Variants in C3orf85 observed in about 807,000 individuals in gnomAD.
C3orf85 encodes the protein chromosome 3 open reading frame 85, also known as uncharacterized protein C3orf85.
Under a neutral mutation model 1.7 loss-of-function variants are expected in C3orf85, and 1 was observed. The ratio of observed to expected loss-of-function variants is 0.60; its 90% CI spans 0.21 to 2.86. The LOEUF is 2.86. C3orf85 is among the 30% of genes most tolerant of loss of function. The pLI, the probability that C3orf85 is intolerant of heterozygous loss-of-function variation, is 0.22. For synonymous variants in C3orf85, 17 were observed against 8.0 expected (o/e 2.13, Z -1.90); for missense variants, 29 against 21.3 (o/e 1.36, Z -0.72).
At chr3:109,144,733 T>C (rs1433694183) in intron 2 of C3orf85, among the ~76,000 whole-genome samples, 1 of 152,202 alleles carries the variant, frequency 6.6e-6, no homozygotes, top group Admixed American at 6.5e-5. Flanking sequence ...TTTAGATAAT[T>C]CCAAGTAACA....
rs1706823139 is a variant in C3orf85 at position 109,148,302 on chromosome 3, A to G, written c.99A>G (p.Leu33=). The part of the protein sequence containing the change: ...FLLEDPANQF[L]RLKRHVNLQD... ...TGGAAGACCCTGCAAACCAGTTCCT[A>G]CGTCTCAAAAGACATGTAAATTTGC... Residue 33 remains leucine, a synonymous_variant, in exon 3 of 4, where the codon CTA becomes CTG. Transcript: ENST00000622536. The G allele has an allele frequency of 1.4e-6, 1 of 702,728 alleles. No individual in the cohort carries two copies. Among genetic ancestry groups the G allele is most frequent in the East Asian group, 2.7e-5 (1 of 37,284 alleles). 43.5% of individuals were successfully genotyped at this position (702,728 alleles called of 1,614,324 possible). A position where few individuals can be genotyped will look rare whatever the true frequency, so the allele number is the denominator to read the frequency against.
At chr3:109,141,080 A>C (rs1379650821) in intron 2 of C3orf85, among the ~76,000 whole-genome samples, 1 of 152,138 alleles carries the variant, frequency 6.6e-6, no homozygotes, top group Admixed American at 6.5e-5. Flanking sequence ...TCCACCTCTC[A>C]GGTTCAAGCG....
chr3:109,146,123 G>C (rs186318201), intron 2 of C3orf85, among the ~76,000 whole-genome samples: 100 of 152,250 alleles, frequency 6.6e-4, no homozygotes, highest in Non-Finnish European at 1.1e-3. Flanking sequence ...AATGGTAAGG[G>C]TTATTTGTTG....
chr3:109,140,541 T>C (rs1706734095), intron 2 of C3orf85, among the ~76,000 whole-genome samples: 1 of 152,198 alleles, frequency 6.6e-6, no homozygotes, highest in African/African-American at 2.4e-5. Context: ...ACTAGATTCA[T>C]TGAGCAGTCT....
chr3:109,141,251 T>G (rs1194908464), intron 2 of C3orf85, among the ~76,000 whole-genome samples: 3 of 152,166 alleles, frequency 2.0e-5, no homozygotes, highest in Non-Finnish European at 2.9e-5. Flanking sequence ...CTTCCCAAAG[T>G]GCTGGGATTA....
chr3:109,148,516 C>G, intron 3 of C3orf85, 130 bp downstream of exon 3: 1 of 621,628 alleles, frequency 1.6e-6, no homozygotes, highest in Non-Finnish European at 2.9e-6. Context: ...TGAACTATAT[C>G]TGCTTTTTCT....
At chr3:109,148,501 C>A in intron 3 of C3orf85, 115 bp downstream of exon 3, 1 of 671,398 alleles carries the variant, frequency 1.5e-6, no homozygotes, top group Non-Finnish European at 2.7e-6. Flanking sequence ...CCTCTCTAGA[C>A]ACTCTGAACT....
chr3:109,140,103 T>C (rs115267439), intron 2 of C3orf85, among the ~76,000 whole-genome samples: 1,872 of 152,272 alleles, frequency 0.012, 36 homozygotes, highest in African/African-American at 0.042. Flanking sequence ...AAGATTTTGT[T>C]CTTAATTTTA....
chr3:109,147,480 C>T (rs1706812984), intron 2 of C3orf85, among the ~76,000 whole-genome samples: 1 of 152,162 alleles, frequency 6.6e-6, no homozygotes, highest in Non-Finnish European at 1.5e-5. Context: ...ACATATAGGT[C>T]AGGAGAGAAT....
chr3:109,144,607 A>C (rs530470672), intron 2 of C3orf85, among the ~76,000 whole-genome samples: 2 of 152,344 alleles, frequency 1.3e-5, no homozygotes, highest in African/African-American at 4.8e-5. Flanking sequence ...AGCATAAAAT[A>C]GCTATTGTAT....
At chr3:109,139,616 C>T (rs1706721661) in intron 2 of C3orf85, among the ~76,000 whole-genome samples, 1 of 152,080 alleles carries the variant, frequency 6.6e-6, no homozygotes. Flanking sequence ...TAAAGGATTG[C>T]TTTCATTCTT....
chr3:109,137,817 T>C (rs1166769879), intron 2 of C3orf85, among the ~76,000 whole-genome samples: 2 of 152,064 alleles, frequency 1.3e-5, no homozygotes, highest in Non-Finnish European at 2.9e-5. Context: ...CCAAAGCATA[T>C]ACAATCATAC....
In C3orf85 at chr3:109,148,379, C is replaced by T. The variant is rs981813117; in HGVS notation, c.176C>T (p.Ala59Val). 5 of 702,494 alleles carry T rather than the reference C, an allele frequency of 7.1e-6. No individual in the cohort carries two copies. The highest frequency in any genetic ancestry group is 5.2e-5 in the African/African-American group (3 of 57,218). 43.5% of individuals were successfully genotyped at this position (702,494 alleles called of 1,614,324 possible). A position where few individuals can be genotyped will look rare whatever the true frequency, so the allele number is the denominator to read the frequency against. Residue 59 changes from alanine to valine, a missense_variant, in exon 3 of 4, where the codon GCT becomes GTT. Coordinates refer to ENST00000622536, the MANE Select transcript of C3orf85 (RefSeq NM_001351622.2). Reference sequence around the variant, plus strand: ...TCAGATGTGTGGGTAAACACACTGGCTAAGCAGGTATTTGTATTAGAAACA... The same window carrying T: ...TCAGATGTGTGGGTAAACACACTGGTTAAGCAGGTATTTGTATTAGAAACA... ...HSSDVWVNTL[A>V]KQARETWIAL...
chr3:109,148,154 C>T (rs1706820605), intron 2 of C3orf85, 99 bp from the exon 3 acceptor site: 3 of 615,864 alleles, frequency 4.9e-6, no homozygotes, highest in Non-Finnish European at 8.7e-6. Context: ...CTCAGGCCCC[C>T]AGCCTACCAA....
At chr3:109,143,804 C>T (rs909059301) in intron 2 of C3orf85, among the ~76,000 whole-genome samples, 1 of 152,126 alleles carries the variant, frequency 6.6e-6, no homozygotes, top group African/African-American at 2.4e-5. Flanking sequence ...TGGTCACTGG[C>T]GAGGCCAAGA....
At chr3:109,142,721 C>G (rs1452246804) in intron 2 of C3orf85, among the ~76,000 whole-genome samples, 2 of 151,286 alleles carry the variant, frequency 1.3e-5, no homozygotes, top group Non-Finnish European at 2.9e-5. Context: ...TTTTTTCTCC[C>G]TCCTTTTTTA....
intron 2 of C3orf85, among the ~76,000 whole-genome samples, chr3:109,138,681 G>C (rs555655112): frequency 2.0e-5 from 3 of 152,028 alleles, no homozygotes; most frequent in Non-Finnish European, 4.4e-5. Context: ...CTATTTTCCT[G>C]ATGGGAATGC....
chr3:109,147,851 C>T (rs1174643854), intron 2 of C3orf85, among the ~76,000 whole-genome samples: 39 of 152,144 alleles, frequency 2.6e-4, no homozygotes, highest in Non-Finnish European at 5.9e-5. Context: ...ATCAATTTAT[C>T]CAGTCCTTAC....
chr3:109,138,055 G>T (rs1274379838), intron 2 of C3orf85, among the ~76,000 whole-genome samples: 1 of 152,076 alleles, frequency 6.6e-6, no homozygotes, highest in Non-Finnish European at 1.5e-5. Context: ...GAATGCTTCA[G>T]GGTCAAAAAT....
Sources: allele counts gnomAD v4.1 joint callset (sites outside exome capture counted in the v4.1 genomes callset), GRCh38; gene constraint gnomAD v4.1.1; transcripts MANE v1.5; gene names NCBI Gene and HGNC (gene_info 2026-07-23, HGNC 2026-07-21).